Variants in ACAP2 observed in about 807,000 individuals in gnomAD.
ACAP2 encodes the protein arf-GAP with coiled-coil, ANK repeat and PH domain-containing protein 2.
In ACAP2, 39 loss-of-function variants were observed where a neutral mutation model predicts 115.8. The ratio of observed to expected loss-of-function variants is 0.34; its 90% CI spans 0.26 to 0.44. The LOEUF is 0.44. Ranked by LOEUF, ACAP2 falls within the 20% of genes least tolerant of loss-of-function variation. The pLI, the probability that ACAP2 is intolerant of heterozygous loss-of-function variation, is 1.00. For synonymous variants in ACAP2, 289 were observed against 315.8 expected, an observed-to-expected ratio of 0.92 and a Z score of 0.90; for missense variants, 662 against 927.6, an observed-to-expected ratio of 0.71 and a Z score of 3.72.
intron 1 of ACAP2, among the ~76,000 whole-genome samples, chr3:195,435,267 C>T (rs909434946): frequency 4.6e-5 from 7 of 150,648 alleles, no homozygotes; most frequent in Admixed American, 6.6e-5. Context: ...CTCTGCCCCC[C>T]GGGTTCAAGT....
In ACAP2 at chr3:195,442,894, G is replaced by T; in HGVS notation, c.-47C>A. The T allele has an allele frequency of 6.7e-7, 1 of 1,482,788 alleles. No individual in the cohort carries two copies. Among genetic ancestry groups the T allele is most frequent in the Non-Finnish European group, 9.0e-7 (1 of 1,114,052 alleles). 91.9% of individuals were successfully genotyped at this position (1,482,788 alleles called of 1,614,324 possible). On this transcript the variant is annotated 5_prime_UTR_variant, in exon 1 of 23. Coordinates refer to ENST00000326793, the MANE Select transcript of ACAP2 (RefSeq NM_012287.6). ...GCGCTGGCAAAGCCGAGGGGGCCGC[G>T]GGAGCGGCCGCGCTGGGACGCAGAC... is the stretch of plus-strand genomic sequence containing the variant.
chr3:195,355,147 C>T (rs1275479769), intron 4 of ACAP2, among the ~76,000 whole-genome samples: 1 of 152,040 alleles, frequency 6.6e-6, no homozygotes, highest in Admixed American at 6.6e-5. Context: ...TGCCCAGCCA[C>T]AATAATGTAG....
At chr3:195,290,242 GC>G (rs1462459606) in intron 20 of ACAP2, among the ~76,000 whole-genome samples, 2 of 152,002 alleles carry the variant, frequency 1.3e-5, no homozygotes, top group Non-Finnish European at 2.9e-5. Flanking sequence ...GGCAGGGCAT[GC>G]CTGTAGTCCC....
chr3:195,275,243 G>C lies in ACAP2; in HGVS notation c.*4085C>G, dbSNP rs1029648112. ...AGTGAAAAGACCAATGCAGAGAAAA[G>C]TTTATGTAATCAAATCTTGCTTTGT... On this transcript the variant is annotated 3_prime_UTR_variant, in exon 23 of 23. Transcript: ENST00000326793. 6 of 152,316 alleles carry C rather than the reference G, an allele frequency of 3.9e-5. No individual in the cohort carries two copies. Among genetic ancestry groups the C allele is most frequent in the Non-Finnish European group, 7.4e-5 (5 of 68,018 alleles). 9.4% of individuals were successfully genotyped at this position (152,316 alleles called of 1,614,324 possible).
At chr3:195,401,147 T>C (rs1257147746) in intron 1 of ACAP2, among the ~76,000 whole-genome samples, 5 of 152,280 alleles carry the variant, frequency 3.3e-5, no homozygotes, top group African/African-American at 9.6e-5. Flanking sequence ...AGGCACAGAA[T>C]ACCCTGCAAA....
At chr3:195,317,720 T>C (rs1270204550) in intron 10 of ACAP2, among the ~76,000 whole-genome samples, 2 of 152,196 alleles carry the variant, frequency 1.3e-5, no homozygotes, top group Admixed American at 6.5e-5. Context: ...TCAAAGTTTT[T>C]GGTAGCCATC....
chr3:195,418,481 G>A (rs1288870278), intron 1 of ACAP2, among the ~76,000 whole-genome samples: 1 of 152,194 alleles, frequency 6.6e-6, no homozygotes, highest in African/African-American at 2.4e-5. Context: ...CAGGGGTGCG[G>A]TGGTACCATC....
At chr3:195,347,350 C>T (rs929956873) in intron 4 of ACAP2, among the ~76,000 whole-genome samples, 4 of 152,086 alleles carry the variant, frequency 2.6e-5, no homozygotes, top group African/African-American at 9.7e-5. Context: ...TATTAAGTTA[C>T]ACTACAAAGT....
At chr3:195,279,943 T>C (rs1171789772) in intron 22 of ACAP2, 1 of 152,280 alleles carries the variant, frequency 6.6e-6, no homozygotes, top group Non-Finnish European at 1.5e-5. Context: ...TTTGAAAAAG[T>C]AATTTTTTAC....
In ACAP2 at chr3:195,381,064, T is replaced by A; in HGVS notation, c.232-2A>T. On this transcript the variant is annotated splice_acceptor_variant, in intron 3 of 22. Coordinates refer to ENST00000326793, the MANE Select transcript of ACAP2 (RefSeq NM_012287.6). LOFTEE classifies it high-confidence loss of function. ...GTCAGAAAACTTGGTCAAACTTGTC[T>A]ATGAGAAAAAAAGCAAAAGAAAACC... 1 of 1,596,352 alleles carries A rather than the reference T, an allele frequency of 6.3e-7. No individual in the cohort carries two copies. Among genetic ancestry groups the A allele is most frequent in the African/African-American group, 1.4e-5 (1 of 73,728 alleles).
At chr3:195,358,920 G>C (rs1441434023) in intron 4 of ACAP2, among the ~76,000 whole-genome samples, 1 of 151,978 alleles carries the variant, frequency 6.6e-6, no homozygotes. Flanking sequence ...GATAAAGAAA[G>C]GATTCTAAAA....
intron 15 of ACAP2, 132 bp downstream of exon 15, chr3:195,301,443 A>G: frequency 1.4e-6 from 1 of 719,226 alleles, no homozygotes; most frequent in South Asian, 1.9e-5. Context: ...AAATAGCCTC[A>G]GATGTGTTTC....
intron 9 of ACAP2, chr3:195,325,441 T>TTTTTTTA: frequency 2.4e-6 from 1 of 414,426 alleles, no homozygotes; most frequent in Non-Finnish European, 4.7e-6. Context: ...TTTTTTTTTT[T>TTTTTTTA]ACCTGTAACG....
intron 14 of ACAP2, 49 bp downstream of exon 14, chr3:195,301,917 C>A: frequency 6.3e-7 from 1 of 1,576,922 alleles, no homozygotes; most frequent in South Asian, 1.1e-5. Context: ...CCATTTCTAT[C>A]TGTGTTTATC....
chr3:195,350,449 C>T (rs781117133), intron 4 of ACAP2, among the ~76,000 whole-genome samples: 17 of 151,848 alleles, frequency 1.1e-4, no homozygotes, highest in Admixed American at 3.3e-4. Context: ...GAGTTGGAGA[C>T]CAGCCTTGGC....
chr3:195,298,079 T>C (rs1324724140), intron 15 of ACAP2, among the ~76,000 whole-genome samples: 2 of 152,140 alleles, frequency 1.3e-5, no homozygotes, highest in Non-Finnish European at 2.9e-5. Flanking sequence ...TAAGATAACA[T>C]TACCACTATG....
At chr3:195,355,766 T>A (rs1171730103) in intron 4 of ACAP2, among the ~76,000 whole-genome samples, 1 of 152,230 alleles carries the variant, frequency 6.6e-6, no homozygotes, top group East Asian at 1.9e-4. Context: ...AAGAGTAGGC[T>A]GCATAACCAT....
At chr3:195,316,800 G>C (rs1347644813) in intron 10 of ACAP2, among the ~76,000 whole-genome samples, 1 of 149,234 alleles carries the variant, frequency 6.7e-6, no homozygotes, top group East Asian at 2.0e-4. Flanking sequence ...AAATTATTTT[G>C]AATAAAACAA....
At chr3:195,327,947 A>AAT (rs1553851225) in intron 8 of ACAP2, among the ~76,000 whole-genome samples, 6 of 151,132 alleles carry the variant, frequency 4.0e-5, no homozygotes, top group Admixed American at 2.0e-4. Flanking sequence ...ACCAAAAAAA[A>AAT]ATATATATAT....
Sources: allele counts gnomAD v4.1 joint callset (sites outside exome capture counted in the v4.1 genomes callset), GRCh38; gene constraint gnomAD v4.1.1; transcripts MANE v1.5; gene names NCBI Gene and HGNC (gene_info 2026-07-23, HGNC 2026-07-21).